Variants in PCDH7 observed in about 807,000 individuals in gnomAD.
PCDH7 encodes protocadherin-7.
A neutral mutation model predicts 58.9 loss-of-function variants in PCDH7; 17 were observed. The observed-to-expected ratio is 0.29, with a 90% CI of 0.20 to 0.43. PCDH7 has a LOEUF of 0.43. PCDH7 is among the 20% of genes least tolerant of loss of function. The pLI, the probability that PCDH7 is intolerant of heterozygous loss-of-function variation, is 1.00. For synonymous variants in PCDH7, 664 were observed against 616.4 expected (o/e 1.08, Z -1.14); for missense variants, 1,274 against 1,441.0 (o/e 0.88, Z 1.88).
At chr4:30,909,965 T>A (rs1299142722) in intron 1 of PCDH7, among the ~76,000 whole-genome samples, 1 of 152,146 alleles carries the variant, frequency 6.6e-6, no homozygotes, top group Admixed American at 6.5e-5. Context: ...GTGGTACTAG[T>A]ACCAAAACAA....
At chr4:30,736,596 C>G (rs1325565226), downstream of PCDH7, among the ~76,000 whole-genome samples, 2 of 148,712 alleles carry the variant, frequency 1.3e-5, no homozygotes, top group Admixed American at 6.7e-5. Flanking sequence ...AGTGTAGTTC[C>G]GCGATCTCGG....
intron 3 of PCDH7, among the ~76,000 whole-genome samples, chr4:30,976,566 A>G (rs907404403): frequency 1.3e-5 from 2 of 149,142 alleles, no homozygotes; most frequent in African/African-American, 5.0e-5. Flanking sequence ...ACCCCCAGCT[A>G]ATTTTTGTAT....
chr4:31,014,887 C>G (rs1753486307), intron 3 of PCDH7, among the ~76,000 whole-genome samples: 1 of 152,084 alleles, frequency 6.6e-6, no homozygotes, highest in Non-Finnish European at 1.5e-5. Flanking sequence ...CTGGCAAATA[C>G]TTGTTTATTT....
chr4:31,141,672 A>G (rs1397484954), intron 3 of PCDH7, among the ~76,000 whole-genome samples: 1 of 152,322 alleles, frequency 6.6e-6, no homozygotes, highest in East Asian at 1.9e-4. Flanking sequence ...ATTCCATTGG[A>G]CAGCACCATT....
intron 1 of PCDH7, among the ~76,000 whole-genome samples, chr4:30,886,832 A>C (rs1451696853): frequency 4.0e-5 from 6 of 150,176 alleles, no homozygotes; most frequent in Non-Finnish European, 8.9e-5. Flanking sequence ...AGGGACATGG[A>C]TGAAATTGGA....
intron 2 of PCDH7, chr4:30,935,462 T>C: frequency 4.4e-6 from 1 of 226,346 alleles, no homozygotes; most frequent in Non-Finnish European, 7.4e-6. Flanking sequence ...AATATAATTC[T>C]ATGAAACTAT....
At chr4:31,085,223 G>T (rs577674530) in intron 3 of PCDH7, among the ~76,000 whole-genome samples, 27 of 152,118 alleles carry the variant, frequency 1.8e-4, no homozygotes, top group African/African-American at 6.3e-4. Context: ...TCAGTTTCTG[G>T]GTGGGGCCGC....
intron 1 of PCDH7, among the ~76,000 whole-genome samples, chr4:30,803,622 G>A (rs932526914): frequency 1.3e-5 from 2 of 152,036 alleles, no homozygotes; most frequent in Admixed American, 6.5e-5. Flanking sequence ...TTTACTTTTT[G>A]TAGAGACAGG....
chr4:30,729,673 T>C (rs1715196764), intron 1 of PCDH7, among the ~76,000 whole-genome samples: 1 of 152,092 alleles, frequency 6.6e-6, no homozygotes, highest in African/African-American at 2.4e-5. Flanking sequence ...CTAATTGTGA[T>C]AATCTTTTAC....
downstream of PCDH7, chr4:31,146,411 A>T (rs1055421555): frequency 1.3e-5 from 2 of 152,088 alleles, no homozygotes; most frequent in Non-Finnish European, 2.9e-5. Flanking sequence ...TCATGAATAT[A>T]GTAAATCTTG....
exon 1 of PCDH7, chr4:30,724,409 A>G: frequency 6.2e-7 from 1 of 1,614,060 alleles, no homozygotes; most frequent in Non-Finnish European, 8.5e-7. Flanking sequence ...GCAAGGCATT[A>G]CAAATCTAGT....
chr4:30,825,342 C>A (rs140291429), intron 1 of PCDH7, among the ~76,000 whole-genome samples: 1 of 152,252 alleles, frequency 6.6e-6, no homozygotes, highest in Non-Finnish European at 1.5e-5. Context: ...TTCTAACTTA[C>A]ACTTTACAGA....
chr4:30,965,640 A>G (rs1294582707), intron 3 of PCDH7, among the ~76,000 whole-genome samples: 3 of 152,098 alleles, frequency 2.0e-5, no homozygotes, highest in Admixed American at 6.5e-5. Context: ...TGAATCTTCC[A>G]GTGCAAATTA....
chr4:30,749,995 T>A lies in PCDH7; in HGVS notation c.70+25399T>A. ...AATGGGAGTAAATAACTGAAAGTAA[T>A]CTGCAAGTTTCTATACAAAAGGTAT... On this transcript the variant is annotated intron_variant, in intron 1 of 3. Transcript: ENST00000509759. Among the ~76,000 whole-genome samples, 2 of 152,158 alleles carry A rather than the reference T, an allele frequency of 1.3e-5. 1 individual carries two copies. The highest frequency in any genetic ancestry group is 3.8e-4 in the East Asian group (2 of 5,196).
At chr4:31,071,980 G>A (rs1758580505) in intron 3 of PCDH7, among the ~76,000 whole-genome samples, 1 of 152,024 alleles carries the variant, frequency 6.6e-6, no homozygotes, top group African/African-American at 2.4e-5. Context: ...TCAGAGCTAT[G>A]AGTCATGTTT....
intron 1 of PCDH7, among the ~76,000 whole-genome samples, chr4:30,840,360 G>A (rs756079916): frequency 6.6e-6 from 1 of 152,064 alleles, no homozygotes; most frequent in Admixed American, 6.6e-5. Context: ...TGCCAGTGTG[G>A]TAACCTTAAA....
At chr4:30,843,254 T>C (rs1731459364) in intron 1 of PCDH7, among the ~76,000 whole-genome samples, 1 of 152,042 alleles carries the variant, frequency 6.6e-6, no homozygotes, top group African/African-American at 2.4e-5. Flanking sequence ...CAGGGTGGAG[T>C]GCAGTGGTGC....
intron 1 of PCDH7, among the ~76,000 whole-genome samples, chr4:30,759,818 G>A (rs1719792025): frequency 6.6e-6 from 1 of 152,078 alleles, no homozygotes; most frequent in South Asian, 2.1e-4. Context: ...CATTGTATTT[G>A]TAATACCGGA....
intron 2 of PCDH7, among the ~76,000 whole-genome samples, chr4:30,942,098 A>G (rs1746108084): frequency 6.6e-6 from 1 of 151,952 alleles, no homozygotes. Context: ...TGTTTACCAT[A>G]ATATATCCAG....
Sources: allele counts gnomAD v4.1 joint callset (sites outside exome capture counted in the v4.1 genomes callset), GRCh38; gene constraint gnomAD v4.1.1; transcripts MANE v1.5; gene names NCBI Gene and HGNC (gene_info 2026-07-23, HGNC 2026-07-21).